RAVER2: variants seen among roughly 807,000 people sequenced by gnomAD.
RAVER2 encodes the protein ribonucleoprotein, PTB binding 2, also known as ribonucleoprotein PTB-binding 2.
A neutral mutation model predicts 78.1 loss-of-function variants in RAVER2; 46 were observed. The ratio of observed to expected loss-of-function variants is 0.59; its 90% confidence interval spans 0.46 to 0.75. The LOEUF (loss-of-function observed/expected upper bound fraction) is 0.75, where lower values mean the gene tolerates loss of function less well. Ranked by LOEUF, RAVER2 falls within the 30% of genes least tolerant of loss-of-function variation. The pLI, the probability that RAVER2 is intolerant of heterozygous loss-of-function variation, is 0.00. For missense variants in RAVER2, 793 were observed against 837.5 expected (o/e 0.95, Z 0.66); for synonymous variants, 311 against 313.3 (o/e 0.99, Z 0.08).
intron 1 of RAVER2, among the ~76,000 whole-genome samples, chr1:64,764,334 T>A (rs1652114436): frequency 6.7e-6 from 1 of 150,110 alleles, no homozygotes; most frequent in South Asian, 2.1e-4. Flanking sequence ...AATAGTTGAT[T>A]ACCCATATAG....
intron 1 of RAVER2, among the ~76,000 whole-genome samples, chr1:64,746,625 C>G (rs922875739): frequency 1.3e-5 from 2 of 152,156 alleles, no homozygotes; most frequent in Non-Finnish European, 2.9e-5. Flanking sequence ...AACCTTATAA[C>G]CCGTAGGCAT....
intron 5 of RAVER2, among the ~76,000 whole-genome samples, chr1:64,799,336 CT>C (rs1273135195): frequency 6.6e-6 from 1 of 152,182 alleles, no homozygotes; most frequent in Non-Finnish European, 1.5e-5. Flanking sequence ...TTGGTGGACA[CT>C]TAGTCTATAT....
At chr1:64,783,332 A>G (rs1490912350) in intron 4 of RAVER2, among the ~76,000 whole-genome samples, 2 of 152,136 alleles carry the variant, frequency 1.3e-5, no homozygotes, top group South Asian at 2.1e-4. Flanking sequence ...GGTTGAACTA[A>G]TTTACACTCC....
intron 1 of RAVER2, among the ~76,000 whole-genome samples, chr1:64,748,900 C>G (rs1008030778): frequency 2.0e-5 from 3 of 152,056 alleles, no homozygotes; most frequent in Admixed American, 6.6e-5. Flanking sequence ...TGCGGTGGAA[C>G]GATCACTGCT....
chr1:64,786,707 T>G (rs1009281742), intron 4 of RAVER2, among the ~76,000 whole-genome samples: 4 of 152,026 alleles, frequency 2.6e-5, no homozygotes, highest in African/African-American at 9.7e-5. Flanking sequence ...ACAGGAGAAT[T>G]GCTTGAACCC....
intron 1 of RAVER2, among the ~76,000 whole-genome samples, chr1:64,755,724 G>GTTTTTTTTTTTT (rs753375050): frequency 6.6e-5 from 4 of 60,660 alleles, no homozygotes; most frequent in African/African-American, 1.4e-4. Flanking sequence ...ATGCTTCATA[G>GTTTTTTTTTTTT]TTTTTTTTTT....
At chr1:64,807,462 G>T (rs1424890546) in exon 9 of RAVER2, 1 of 1,613,864 alleles carries the variant, frequency 6.2e-7, no homozygotes, top group South Asian at 1.1e-5. Flanking sequence ...AAGGCACAGA[G>T]ATAAGTTCAG....
chr1:64,766,064 C>T (rs368291139), intron 1 of RAVER2, among the ~76,000 whole-genome samples: 2 of 152,106 alleles, frequency 1.3e-5, no homozygotes, highest in Non-Finnish European at 2.9e-5. Flanking sequence ...AGCTATTGAT[C>T]GTCTCTCCAG....
Position 64,754,483 on chromosome 1 carries a change from G to A in RAVER2, c.249+9062G>A, listed in dbSNP as rs576950702. Among the ~76,000 whole-genome samples the A allele has an allele frequency of 1.1e-3, 171 of 152,132 alleles. 1 individual carries two copies. Among genetic ancestry groups the A allele is most frequent in the South Asian group, 6.0e-3 (29 of 4,822 alleles). The stretch of plus-strand genomic sequence containing the variant: ...ATTTCCATTGAGACGTCTGACCCCC[G>A]GCACACTCTCAGGATTGATTTGTTA... On this transcript the variant is annotated intron_variant, in intron 1 of 11. Transcript: ENST00000294428.
exon 5 of RAVER2, chr1:64,789,388 A>G: frequency 6.2e-7 from 1 of 1,605,112 alleles, no homozygotes; most frequent in Non-Finnish European, 8.5e-7. Flanking sequence ...TTCATTGCAG[A>G]TGCACAGTAA....
intron 1 of RAVER2, 41 bp from the exon 2 acceptor site, chr1:64,768,615 C>A: frequency 8.0e-7 from 1 of 1,247,476 alleles, no homozygotes; most frequent in Non-Finnish European, 1.2e-6. Flanking sequence ...CTAGTAACTG[C>A]ATTTGTATGT....
Position 64,749,826 on chromosome 1 carries a change from A to G in RAVER2, c.249+4405A>G, listed in dbSNP as rs149388328. On this transcript the variant is annotated intron_variant, in intron 1 of 11. Coordinates refer to ENST00000294428, the Ensembl canonical transcript of RAVER2. ...ATATATGTGTTATTGTATTTCTATAAATTGTATTACGGTTAACCTGGTTCT... is the reference window on the plus strand; with the variant it reads ...ATATATGTGTTATTGTATTTCTATAGATTGTATTACGGTTAACCTGGTTCT... Among the ~76,000 whole-genome samples the G allele has an allele frequency of 2.4e-3, 367 of 152,238 alleles. 4 individuals carry two copies. Among genetic ancestry groups the G allele is most frequent in the African/African-American group, 8.4e-3 (350 of 41,532 alleles).
At chr1:64,771,053 A>G (rs1320181487) in intron 2 of RAVER2, among the ~76,000 whole-genome samples, 1 of 152,022 alleles carries the variant, frequency 6.6e-6, no homozygotes, top group African/African-American at 2.4e-5. Flanking sequence ...AATCCCAGAA[A>G]TCCACAGAGC....
intron 5 of RAVER2, among the ~76,000 whole-genome samples, chr1:64,800,131 G>GTTTTTTTT (rs200005863): frequency 7.3e-6 from 1 of 137,740 alleles, no homozygotes; most frequent in African/African-American, 2.6e-5. Context: ...TTTGTTTTTT[G>GTTTTTTTT]TTTTTTTTTT....
chr1:64,787,672 T>A (rs1464784577), intron 4 of RAVER2, among the ~76,000 whole-genome samples: 1 of 152,222 alleles, frequency 6.6e-6, no homozygotes, highest in Non-Finnish European at 1.5e-5. Context: ...TCTGCACTTG[T>A]GTGCCATCCT....
intron 4 of RAVER2, among the ~76,000 whole-genome samples, chr1:64,784,809 T>C (rs182223228): frequency 1.3e-5 from 2 of 152,334 alleles, no homozygotes; most frequent in East Asian, 3.9e-4. Context: ...CACTTTCTAA[T>C]GTAAATGTCA....
intron 1 of RAVER2, among the ~76,000 whole-genome samples, chr1:64,748,838 GT>G (rs1011266544): frequency 2.0e-4 from 31 of 152,146 alleles, no homozygotes; most frequent in African/African-American, 7.2e-4. Context: ...TTCCTTTTTA[GT>G]TTTTATTTAT....
intron 1 of RAVER2, among the ~76,000 whole-genome samples, chr1:64,764,067 CAGG>C (rs1393909047): frequency 1.3e-5 from 2 of 152,038 alleles, no homozygotes; most frequent in African/African-American, 4.8e-5. Context: ...TTCCCATCAA[CAGG>C]AGATGAGTTA....
intron 6 of RAVER2, 115 bp downstream of exon 6, chr1:64,803,176 T>G: frequency 2.7e-6 from 2 of 747,894 alleles, no homozygotes; most frequent in Admixed American, 5.6e-5. Flanking sequence ...TTAAAGAAAA[T>G]CTTTAATAAT....
Sources: allele counts gnomAD v4.1 joint callset (sites outside exome capture counted in the v4.1 genomes callset), GRCh38; gene constraint gnomAD v4.1.1; transcripts MANE v1.5; gene names NCBI Gene and HGNC (gene_info 2026-07-23, HGNC 2026-07-21).